FBXL5: variants seen among roughly 807,000 people sequenced by gnomAD.
FBXL5 encodes the protein F-box/LRR-repeat protein 5.
Under a neutral mutation model 78.3 loss-of-function variants are expected in FBXL5, and 26 were observed. That is an observed-to-expected ratio of 0.33 (90% CI 0.24 to 0.46). FBXL5 has a LOEUF of 0.46. Among genes scored for constraint, FBXL5 ranks in the 20% least tolerant of loss-of-function variants. The pLI is 1.00. For synonymous variants in FBXL5, 295 were observed against 282.5 expected, an observed-to-expected ratio of 1.04 and a Z score of -0.45; for missense variants, 710 against 829.2, an observed-to-expected ratio of 0.86 and a Z score of 1.77.
At chr4:15,614,336 A>G (rs1711560060) in intron 9 of FBXL5, among the ~76,000 whole-genome samples, 1 of 152,058 alleles carries the variant, frequency 6.6e-6, no homozygotes, top group African/African-American at 2.4e-5. Flanking sequence ...TCCAGTGGAG[A>G]TAGGAGGGGA....
chr4:15,627,139 T>C (rs1462235936), intron 7 of FBXL5, among the ~76,000 whole-genome samples, 184 bp from the exon 8 acceptor site: 1 of 147,918 alleles, frequency 6.8e-6, no homozygotes, highest in Non-Finnish European at 1.5e-5. Context: ...CTCTTTTTTT[T>C]TTTTTTTTTT....
At chr4:15,611,846 A>G (rs1337685148) in intron 10 of FBXL5, among the ~76,000 whole-genome samples, 1 of 152,068 alleles carries the variant, frequency 6.6e-6, no homozygotes, top group Non-Finnish European at 1.5e-5. Context: ...TCATTTTTCT[A>G]CATTTGATAA....
rs566001156 is a variant in FBXL5, at chr4:15,675,546, C to G, written c.-284+5837G>C. Among the ~76,000 whole-genome samples the G allele has an allele frequency of 1.5e-3, 222 of 147,148 alleles. 1 individual carries two copies. Among genetic ancestry groups the G allele is most frequent in the South Asian group, 3.9e-3 (18 of 4,570 alleles). ...TCAAGGAGTTGAACCTTCACTATGTCTTAACTTCTCGGTCACAAAACTCCT... is the reference window on the plus strand; with the variant it reads ...TCAAGGAGTTGAACCTTCACTATGTGTTAACTTCTCGGTCACAAAACTCCT... On this transcript the variant is annotated intron_variant, in intron 1 of 4. Transcript: ENST00000507899.
In FBXL5 at chr4:15,630,840, C is replaced by T. The variant is rs755995698; in HGVS notation, c.767-49G>A. The T allele has an allele frequency of 2.5e-6, 4 of 1,595,718 alleles. 1 individual carries two copies. The highest frequency in any genetic ancestry group is 2.2e-5 in the South Asian group (2 of 89,030). On this transcript the variant is annotated intron_variant, in intron 5 of 10. Transcript: ENST00000341285. Reference sequence around the variant, plus strand: ...AAGGTTCAAAATAATATCAGATTGCCTGCAATTATGAAAAACTAAGCTATT... The same window carrying T: ...AAGGTTCAAAATAATATCAGATTGCTTGCAATTATGAAAAACTAAGCTATT...
rs746852963 is a variant in FBXL5 at position 15,644,560 on chromosome 4, T to C, written c.233A>G (p.Asn78Ser). 7.4e-6 allele frequency: 12 copies of C among 1,614,134 alleles called. No individual in the cohort carries two copies. Among genetic ancestry groups the C allele is most frequent in the Non-Finnish European group, 5.9e-6 (7 of 1,180,002 alleles). Residue 78 changes from asparagine (N) to serine (S), a missense_variant, in exon 2 of 11, where the codon AAT becomes AGT. By Grantham distance (46) the Asn-to-Ser change is conservative. Transcript: ENST00000341285. The stretch of plus-strand genomic sequence containing the variant: ...GGAGAGTTTATTGTCAGAATGTACA[T>C]TATAAATGGTCTGGCTGCGTTGTTG... ...LLQQRSQTIY[N>S]VHSDNKLSEM...
chr4:15,649,649 C>T (rs1167902328), intron 1 of FBXL5, among the ~76,000 whole-genome samples: 3 of 149,654 alleles, frequency 2.0e-5, no homozygotes, highest in African/African-American at 4.9e-5. Flanking sequence ...TTTTTGAAAT[C>T]TGTTTATATA....
chr4:15,677,774 T>C (rs576629908), intron 1 of FBXL5, among the ~76,000 whole-genome samples: 2 of 152,332 alleles, frequency 1.3e-5, no homozygotes, highest in African/African-American at 2.4e-5. Flanking sequence ...AGTGCTTTCC[T>C]AAGTTCTGTG....
At chr4:15,675,824 C>G (rs1717974562) in intron 1 of FBXL5, among the ~76,000 whole-genome samples, 1 of 152,100 alleles carries the variant, frequency 6.6e-6, no homozygotes, top group Non-Finnish European at 1.5e-5. Context: ...CTCAGATGAT[C>G]CGCCTGCCTC....
At position 15,627,944 on chromosome 4, in the gene FBXL5, C is replaced by A. The variant is rs1481844308; in HGVS notation, c.982G>T (p.Val328Phe). The part of the protein sequence containing the change: ...HGLIHNVLPY[V>F]GTSVKTLVLA... ...ACTAAGGTTTTTACAGAAGTACCAACATATGGTAGAACGTTATGAATTAAG... is the reference window on the plus strand; with the variant it reads ...ACTAAGGTTTTTACAGAAGTACCAAAATATGGTAGAACGTTATGAATTAAG... Residue 328 changes from valine (V) to phenylalanine (F), a missense_variant, in exon 7 of 11, where the codon GTT (valine) becomes TTT (phenylalanine). By Grantham distance (50) the Val-to-Phe change is conservative (BLOSUM62 -1). Transcript: ENST00000341285. The A allele has an allele frequency of 6.2e-7, 1 of 1,613,812 alleles. No homozygotes were observed. The highest frequency in any genetic ancestry group is 8.5e-7 in the Non-Finnish European group (1 of 1,179,820).
At chr4:15,654,049 T>C (rs1161193409) in intron 1 of FBXL5, among the ~76,000 whole-genome samples, 2 of 152,226 alleles carry the variant, frequency 1.3e-5, no homozygotes, top group African/African-American at 4.8e-5. Context: ...GTGCTAAGAT[T>C]TGAAATTCAA....
At chr4:15,630,535 A>C (rs1713519272) in intron 6 of FBXL5, 131 bp downstream of exon 6, 1 of 728,504 alleles carries the variant, frequency 1.4e-6, no homozygotes. Context: ...AATTTTAAAA[A>C]GTAGTAGGCT....
At chr4:15,663,120 C>T (rs1326212598), upstream of FBXL5, among the ~76,000 whole-genome samples, 1 of 152,066 alleles carries the variant, frequency 6.6e-6, no homozygotes, top group Non-Finnish European at 1.5e-5. Context: ...TTATTCTTGC[C>T]AGTCTTTTAC....
chr4:15,655,105 G>A (rs879299304), intron 1 of FBXL5, 99 bp downstream of exon 1: 6 of 969,870 alleles, frequency 6.2e-6, no homozygotes, highest in Middle Eastern at 4.3e-4. Context: ...CGACGGCACG[G>A]GGCTGCGGGC....
chr4:15,605,939 T>C lies in FBXL5; in HGVS notation c.2000-140A>G, dbSNP rs111744547. 1.2e-4 allele frequency: 74 copies of C among 629,264 alleles called. No individual in the cohort carries two copies. In the South Asian group the frequency reaches 1.3e-3, roughly 11 times the overall value. 39.0% of individuals were successfully genotyped at this position (629,264 alleles called of 1,614,324 possible). A position where few individuals can be genotyped will look rare whatever the true frequency, so the allele number is the denominator to read the frequency against. ...AGAAGTAAATCTCATGATAAGTGTA[T>C]AAGAAATTATTCAGACACAAAACTC... On this transcript the variant is annotated intron_variant, in intron 10 of 10. Transcript: ENST00000341285.
At chr4:15,677,483 G>A (rs991580596) in intron 1 of FBXL5, among the ~76,000 whole-genome samples, 1 of 152,174 alleles carries the variant, frequency 6.6e-6, no homozygotes, top group Admixed American at 6.5e-5. Context: ...CCAACTAGGT[G>A]TTTACAGGAT....
rs754818567 is a variant in FBXL5 at position 15,625,589 on chromosome 4, A to G, written c.1513T>C (p.Cys505Arg). The G allele has an allele frequency of 2.5e-6, 4 of 1,614,218 alleles. No individual in the cohort carries two copies. The highest frequency in any genetic ancestry group is 1.7e-5 in the Admixed American group (1 of 60,020). Residue 505 changes from cysteine (C) to arginine (R), a missense_variant, in exon 9 of 11, where the codon TGT (cysteine) becomes CGT (arginine). Around this residue, in one of 4 missense-constraint regions of FBXL5, gnomAD observed 517 missense variants for 542.9 expected, o/e 0.95. Transcript: ENST00000341285. ...EWRHRNVESL[C>R]VMETASNFSC... ...AAGTTGGATGCTGTTTCCATTACAC[A>G]AAGACTTTCAACATTTCTATGTCTC...
chr4:15,634,829 T>A (rs758238187), intron 5 of FBXL5, among the ~76,000 whole-genome samples: 79 of 152,160 alleles, frequency 5.2e-4, no homozygotes, highest in Admixed American at 5.0e-3. Flanking sequence ...TATCAAATCG[T>A]GACATAATTC....
chr4:15,642,824 A>C (rs1715028994), intron 2 of FBXL5, among the ~76,000 whole-genome samples: 1 of 152,186 alleles, frequency 6.6e-6, no homozygotes, highest in South Asian at 2.1e-4. Flanking sequence ...AAGCAGTTCA[A>C]ACCTAATCTG....
At chr4:15,656,000 G>A (rs1191974912), upstream of FBXL5, among the ~76,000 whole-genome samples, 2 of 152,228 alleles carry the variant, frequency 1.3e-5, no homozygotes, top group Admixed American at 1.3e-4. Flanking sequence ...CAGAGACCGC[G>A]AGAGAGAGTT....
Sources: allele counts gnomAD v4.1 joint callset (sites outside exome capture counted in the v4.1 genomes callset), GRCh38; gene constraint gnomAD v4.1.1; regional missense constraint gnomAD v4.1.1; transcripts MANE v1.5; gene names NCBI Gene and HGNC (gene_info 2026-07-23, HGNC 2026-07-21).